XKR4: variants seen among roughly 807,000 people sequenced by gnomAD.
XKR4 encodes XK related 4, also known as XK-related protein 4.
XKR4 carries 12 observed loss-of-function variants against 53.9 expected under a neutral mutation model. That is an observed-to-expected ratio of 0.22 (90% confidence interval 0.14 to 0.36). The LOEUF (loss-of-function observed/expected upper bound fraction) is 0.36, where lower values mean the gene tolerates loss of function less well. Ranked by LOEUF, XKR4 falls within the 10% of genes least tolerant of loss-of-function variation. XKR4 has a pLI of 1.00. For missense variants in XKR4, 799 were observed against 859.5 expected (o/e 0.93, Z 0.88); for synonymous variants, 354 against 362.4 (o/e 0.98, Z 0.26).
intron 1 of XKR4, among the ~76,000 whole-genome samples, chr8:55,270,100 T>C (rs1206040568): frequency 2.0e-5 from 3 of 152,212 alleles, no homozygotes; most frequent in Non-Finnish European, 4.4e-5. Flanking sequence ...CCACAGAGGA[T>C]GGAACCCTTC....
Position 55,347,513 on chromosome 8 carries a change from C to G in XKR4, c.807-10165C>G, listed in dbSNP as rs188318427. ...AAGTCAGTGCAGAATTCTTGGTGAC[C>G]TTTGTGATGTAAACAAAACTATATC... On this transcript the variant is annotated intron_variant, in intron 1 of 2. Transcript: ENST00000327381. Among the ~76,000 whole-genome samples the G allele has an allele frequency of 3.5e-4, 54 of 152,246 alleles. No individual in the cohort carries two copies. The East Asian group carries it at 9.6e-3, about 27-fold the overall frequency.
At chr8:55,386,973 G>A (rs764333681) in intron 2 of XKR4, among the ~76,000 whole-genome samples, 4 of 152,104 alleles carry the variant, frequency 2.6e-5, no homozygotes, top group Non-Finnish European at 5.9e-5. Context: ...AAAATACTAT[G>A]CAAGTCACAG....
chr8:55,529,758 CTGA>C lies in XKR4; in HGVS notation c.*5536_*5538del, dbSNP rs1168530608. On this transcript the variant is annotated 3_prime_UTR_variant, in exon 3 of 3. Coordinates refer to ENST00000327381, the MANE Select transcript of XKR4 (RefSeq NM_052898.2). Reference sequence around the variant, plus strand: ...TCTTCAGAAGAAACAGAATCATGGTCTGATGATCAAATTTTTCCAAGAAAATTT... The same window carrying C: ...TCTTCAGAAGAAACAGAATCATGGTCTGATCAAATTTTTCCAAGAAAATTT... 6.6e-5 allele frequency: 10 copies of C among 152,134 alleles called. No individual in the cohort carries two copies. The highest frequency in any genetic ancestry group is 1.2e-4 in the Non-Finnish European group (8 of 68,026). 9.4% of individuals were successfully genotyped at this position (152,134 alleles called of 1,614,324 possible).
At chr8:55,273,217 T>C (rs1048179614) in intron 1 of XKR4, among the ~76,000 whole-genome samples, 1 of 151,878 alleles carries the variant, frequency 6.6e-6, no homozygotes, top group African/African-American at 2.4e-5. Context: ...AAATGTGCTC[T>C]TGTTAGATTT....
At chr8:55,413,802 G>A (rs566792699) in intron 2 of XKR4, among the ~76,000 whole-genome samples, 17 of 152,224 alleles carry the variant, frequency 1.1e-4, no homozygotes, top group African/African-American at 3.9e-4. Context: ...CCTCCTTCCT[G>A]TAGCAGTTAT....
At chr8:55,393,796 T>C (rs1159978661) in intron 2 of XKR4, among the ~76,000 whole-genome samples, 1 of 152,114 alleles carries the variant, frequency 6.6e-6, no homozygotes, top group Non-Finnish European at 1.5e-5. Context: ...AGACATTGAG[T>C]CATCTTAAAG....
rs77468937 is a variant in XKR4, at chr8:55,102,539, G to A, written c.51G>A (p.Val17=). Residue 17 remains valine, a synonymous_variant, in exon 1 of 3, where the codon GTG becomes GTA. Coordinates refer to ENST00000327381, the MANE Select transcript of XKR4 (RefSeq NM_052898.2). The surrounding 1 kb of genome is among the most constrained non-coding windows in gnomAD (Gnocchi z 5.1). ...TGAAAATGAAGAAAAGCAGCGACGT[G>A]GCGTTCACCCCGCTGCAGAACTCGG... ...GRLKMKKSSD[V]AFTPLQNSDH... 15,867 of 1,550,806 alleles carry A rather than the reference G, an allele frequency of 0.01. 138 individuals are homozygous for A. The highest frequency in any genetic ancestry group is 0.036 in the African/African-American group (2,500 of 70,266).
intron 1 of XKR4, among the ~76,000 whole-genome samples, chr8:55,229,368 A>T (rs1405732532): frequency 6.6e-6 from 1 of 152,238 alleles, no homozygotes; most frequent in Non-Finnish European, 1.5e-5. Flanking sequence ...CAGGTGAGGC[A>T]CATCCCTCAG....
chr8:55,237,420 A>G (rs1280602619), intron 1 of XKR4, among the ~76,000 whole-genome samples: 1 of 152,246 alleles, frequency 6.6e-6, no homozygotes, highest in African/African-American at 2.4e-5. Context: ...AGAAAAGATA[A>G]TGTTACTAAG....
intron 1 of XKR4, among the ~76,000 whole-genome samples, chr8:55,129,498 C>G (rs1180072721): frequency 1.0e-5 from 1 of 96,120 alleles, no homozygotes; most frequent in Non-Finnish European, 2.4e-5. Flanking sequence ...TAGATCTTAA[C>G]TCCTTGACTG....
intron 1 of XKR4, among the ~76,000 whole-genome samples, chr8:55,190,985 C>T (rs1217312102): frequency 6.6e-6 from 1 of 152,190 alleles, no homozygotes; most frequent in African/African-American, 2.4e-5. Context: ...CAAAGGGCTT[C>T]CATGGATAAC....
At chr8:55,193,112 A>G (rs1010347772) in intron 1 of XKR4, among the ~76,000 whole-genome samples, 3 of 152,046 alleles carry the variant, frequency 2.0e-5, no homozygotes, top group East Asian at 3.9e-4. Flanking sequence ...AAAAAATTCA[A>G]TTATATCGGA....
intron 2 of XKR4, among the ~76,000 whole-genome samples, chr8:55,419,680 A>G (rs77843962): frequency 0.12 from 18,089 of 152,170 alleles, 2,808 homozygotes; most frequent in African/African-American, 0.36. Flanking sequence ...ATTAATAATG[A>G]ATTGATTCAT....
intron 1 of XKR4, among the ~76,000 whole-genome samples, chr8:55,311,248 A>T (rs542667422): frequency 1.3e-5 from 2 of 152,346 alleles, no homozygotes; most frequent in East Asian, 3.9e-4. Flanking sequence ...TTCATGGATG[A>T]CACTCACAGT....
At chr8:55,462,294 A>G (rs1212414615) in intron 2 of XKR4, among the ~76,000 whole-genome samples, 4 of 152,174 alleles carry the variant, frequency 2.6e-5, no homozygotes, top group Non-Finnish European at 4.4e-5. Flanking sequence ...AACTCTACAA[A>G]CCAGAAGAGA....
At chr8:55,171,390 A>T (rs990562169) in intron 1 of XKR4, among the ~76,000 whole-genome samples, 2 of 152,024 alleles carry the variant, frequency 1.3e-5, no homozygotes, top group Admixed American at 6.6e-5. Context: ...CACATCTAGC[A>T]CTCAGCCATA....
At chr8:55,186,512 C>T (rs941863826) in intron 1 of XKR4, among the ~76,000 whole-genome samples, 28 of 151,918 alleles carry the variant, frequency 1.8e-4, no homozygotes, top group Admixed American at 1.6e-3. Flanking sequence ...AAAAAATAGC[C>T]GGGCATGGTG....
chr8:55,385,237 C>T (rs1347023982), intron 2 of XKR4, among the ~76,000 whole-genome samples: 1 of 152,096 alleles, frequency 6.6e-6, no homozygotes, highest in African/African-American at 2.4e-5. Context: ...TCTTGTTTTC[C>T]CATCACACCC....
At chr8:55,498,322 G>C (rs547858638) in intron 2 of XKR4, among the ~76,000 whole-genome samples, 1 of 152,312 alleles carries the variant, frequency 6.6e-6, no homozygotes, top group African/African-American at 2.4e-5. Flanking sequence ...ACCTGGACAG[G>C]GCATGCAGGG....
Sources: gnomAD v4.1 joint callset for allele counts (sites outside exome capture counted in the v4.1 genomes callset) on GRCh38, gnomAD v4.1.1 for gene constraint, Gnocchi (gnomAD v3.1) non-coding constraint, MANE v1.5 for transcripts, NCBI Gene and HGNC (gene_info 2026-07-23, HGNC 2026-07-21) for gene names.